Variants in TYW1B observed in about 807,000 individuals in gnomAD.
TYW1B encodes the protein S-adenosyl-L-methionine-dependent tRNA 4-demethylwyosine synthase TYW1B.
In TYW1B, 73 loss-of-function variants were observed where a neutral mutation model predicts 86.9. That is an observed-to-expected ratio of 0.84 (90% CI 0.70 to 1.02). The LOEUF (loss-of-function observed/expected upper bound fraction) is 1.02, where lower values mean the gene tolerates loss of function less well. TYW1B is among the 50% of genes least tolerant of loss of function. TYW1B has a pLI of 0.00. For synonymous variants in TYW1B, 248 were observed against 292.8 expected (o/e 0.85, Z 1.56); for missense variants, 637 against 827.4 (o/e 0.77, Z 2.82).
intron 13 of TYW1B, among the ~76,000 whole-genome samples, chr7:72,613,115 T>C (rs1404870606): frequency 1.3e-5 from 2 of 152,044 alleles, no homozygotes; most frequent in African/African-American, 4.8e-5. Flanking sequence ...AGCAACATCA[T>C]AAAAGACAAA....
chr7:72,810,509 C>T lies in TYW1B; in HGVS notation c.394G>A (p.Gly132Ser). The T allele has an allele frequency of 6.2e-7, 1 of 1,613,792 alleles. No individual in the cohort carries two copies. Among genetic ancestry groups the T allele is most frequent in the South Asian group, 1.1e-5 (1 of 91,054 alleles). Residue 132 changes from glycine (G) to serine (S), a missense_variant, in exon 4 of 14, where the codon GGC becomes AGC. By Grantham distance (56) the Gly-to-Ser change is moderately conservative. Coordinates refer to ENST00000620995, the MANE Select transcript of TYW1B (RefSeq NM_001145440.3). ...YLKGMRDAVF[G>S]LGNSAYASHF... Reference sequence around the variant, plus strand: ...CTAGCATAGGCAGAATTTCCCAGGCCAAATACCGCATCTCTCATACCCTTC... The same window carrying T: ...CTAGCATAGGCAGAATTTCCCAGGCTAAATACCGCATCTCTCATACCCTTC...
At chr7:72,760,292 T>A (rs1787665247) in intron 7 of TYW1B, among the ~76,000 whole-genome samples, 1 of 152,326 alleles carries the variant, frequency 6.6e-6, no homozygotes, top group East Asian at 1.9e-4. Flanking sequence ...AAAAGATGTT[T>A]TAAAAATCAA....
chr7:72,619,666 A>AG (rs1417592642), intron 12 of TYW1B, among the ~76,000 whole-genome samples: 1 of 151,424 alleles, frequency 6.6e-6, no homozygotes, highest in Non-Finnish European at 1.5e-5. Flanking sequence ...AAAAAAAAAA[A>AG]GAAATCATTA....
intron 9 of TYW1B, among the ~76,000 whole-genome samples, chr7:72,719,144 AATT>A (rs1174258335): frequency 6.6e-5 from 10 of 151,932 alleles, no homozygotes; most frequent in Non-Finnish European, 1.2e-4. Context: ...AAATAAATTC[AATT>A]ATTATTATTT....
At chr7:72,650,376 G>A (rs1813030218) in intron 11 of TYW1B, among the ~76,000 whole-genome samples, 2 of 152,114 alleles carry the variant, frequency 1.3e-5, no homozygotes, top group African/African-American at 4.8e-5. Flanking sequence ...GTGCCTGGGG[G>A]TACAGCACTC....
At chr7:72,700,406 C>A (rs1361010528) in intron 10 of TYW1B, among the ~76,000 whole-genome samples, 2 of 152,042 alleles carry the variant, frequency 1.3e-5, no homozygotes, top group African/African-American at 2.4e-5. Flanking sequence ...GAATTGACTG[C>A]AGGTGATCCA....
intron 9 of TYW1B, among the ~76,000 whole-genome samples, chr7:72,719,925 A>T (rs1447138002): frequency 1.3e-5 from 2 of 152,056 alleles, no homozygotes; most frequent in Non-Finnish European, 2.9e-5. Context: ...GGATTTTGAG[A>T]AGAGGGTGGC....
intron 2 of TYW1B, among the ~76,000 whole-genome samples, chr7:72,821,808 C>G (rs1279102061): frequency 1.3e-5 from 2 of 152,134 alleles, no homozygotes; most frequent in Non-Finnish European, 2.9e-5. Flanking sequence ...GTAAGGATTA[C>G]AAGTAGAGCA....
intron 13 of TYW1B, among the ~76,000 whole-genome samples, chr7:72,602,641 C>T (rs1435075484): frequency 2.6e-5 from 4 of 152,114 alleles, no homozygotes; most frequent in African/African-American, 9.7e-5. Flanking sequence ...TTCAAAAACA[C>T]GTGGCTGACT....
chr7:72,791,835 C>G (rs1788225237), intron 6 of TYW1B, among the ~76,000 whole-genome samples: 1 of 152,124 alleles, frequency 6.6e-6, no homozygotes, highest in African/African-American at 2.4e-5. Flanking sequence ...CATGTCTTCC[C>G]TTAGCTGATT....
intron 11 of TYW1B, among the ~76,000 whole-genome samples, chr7:72,634,416 T>C (rs1476351647): frequency 2.0e-5 from 3 of 148,550 alleles, no homozygotes; most frequent in African/African-American, 7.6e-5. Flanking sequence ...CTCGAACTCT[T>C]GGGCTCAAGC....
intron 11 of TYW1B, among the ~76,000 whole-genome samples, chr7:72,667,048 A>AAAAAG (rs60588106): frequency 3.0e-5 from 4 of 131,448 alleles, no homozygotes; most frequent in Admixed American, 7.8e-5. Context: ...AAAAAAAAAA[A>AAAAAG]AAAGAAACTA....
chr7:72,749,394 C>G (rs1294078064), intron 7 of TYW1B, among the ~76,000 whole-genome samples: 2 of 152,004 alleles, frequency 1.3e-5, no homozygotes, highest in Non-Finnish European at 2.9e-5. Flanking sequence ...CTTGGGTTCA[C>G]GCCATTCTCC....
At chr7:72,714,344 C>T (rs1480862954) in intron 9 of TYW1B, among the ~76,000 whole-genome samples, 2 of 152,052 alleles carry the variant, frequency 1.3e-5, no homozygotes, top group African/African-American at 4.8e-5. Context: ...AGGCCAGGCG[C>T]AGTAGCTCAC....
chr7:72,742,867 A>G (rs1787329777), intron 8 of TYW1B, among the ~76,000 whole-genome samples: 1 of 152,184 alleles, frequency 6.6e-6, no homozygotes, highest in Admixed American at 6.6e-5. Flanking sequence ...TTGACTAGAA[A>G]GTATTAAATC....
intron 11 of TYW1B, among the ~76,000 whole-genome samples, chr7:72,650,209 T>G (rs1813027705): frequency 6.6e-6 from 1 of 151,908 alleles, no homozygotes; most frequent in African/African-American, 2.4e-5. Flanking sequence ...CCACCGCGCC[T>G]AGTCCAGAAT....
rs1467748854 is a variant in TYW1B, at chr7:72,729,175, G to T, written c.1083-244C>A. 8.5e-5 allele frequency among the ~76,000 whole-genome samples: 13 copies of T among 152,278 alleles called. No homozygotes were observed. The South Asian group carries it at 1.5e-3, about 17-fold the overall frequency. On this transcript the variant is annotated intron_variant, in intron 8 of 13. Transcript: ENST00000620995. ...TGGGCACCTAATTCACTCAATTCCAGTTACAGGTTGACAGAACACTCTCTG... is the reference window on the plus strand; with the variant it reads ...TGGGCACCTAATTCACTCAATTCCATTTACAGGTTGACAGAACACTCTCTG...
intron 7 of TYW1B, among the ~76,000 whole-genome samples, chr7:72,752,556 C>A (rs1389376110): frequency 1.3e-5 from 2 of 152,006 alleles, no homozygotes; most frequent in Non-Finnish European, 2.9e-5. Flanking sequence ...CATGGTGAAA[C>A]CCTGTCTCTA....
intron 11 of TYW1B, among the ~76,000 whole-genome samples, chr7:72,663,264 C>T (rs1195143637): frequency 6.6e-6 from 1 of 151,992 alleles, no homozygotes; most frequent in East Asian, 1.9e-4. Flanking sequence ...ATTTTAAATC[C>T]CAAACCACTT....
Sources: gnomAD v4.1 joint callset for allele counts (sites outside exome capture counted in the v4.1 genomes callset) on GRCh38, gnomAD v4.1.1 for gene constraint, MANE v1.5 for transcripts, NCBI Gene and HGNC (gene_info 2026-07-23, HGNC 2026-07-21) for gene names.